The following FBN1 variants were observed in gnomAD, a reference collection of about 807,000 sequenced individuals.
FBN1 encodes the protein fibrillin-1.
In FBN1, 29 loss-of-function variants were observed where a neutral mutation model predicts 365.1. That is an observed-to-expected ratio of 0.08 (90% confidence interval 0.06 to 0.11). The LOEUF is 0.11. Ranked by LOEUF, FBN1 falls within the 10% of genes least tolerant of loss-of-function variation. The pLI, the probability that FBN1 is intolerant of heterozygous loss-of-function variation, is 1.00. For missense variants in FBN1, 2,476 were observed against 3,703.2 expected, an observed-to-expected ratio of 0.67 and a Z score of 8.60; for synonymous variants, 1,210 against 1,270.5, an observed-to-expected ratio of 0.95 and a Z score of 1.01.
intron 8 of FBN1, among the ~76,000 whole-genome samples, chr15:48,530,346 G>A (rs1016572492): frequency 1.3e-5 from 2 of 150,946 alleles, no homozygotes; most frequent in Admixed American, 6.6e-5. Flanking sequence ...TCCGCCGCCC[G>A]ATCACAACTT....
In FBN1 at chr15:48,644,640, T is replaced by C. The variant is rs1341910595; in HGVS notation, c.130A>G (p.Arg44Gly). Reference protein sequence around the residue: ...VKETRASRAKRRGGGGHDALK... With the variant: ...VKETRASRAKGRGGGGHDALK... ...GCGTCGTGTCCTCCACCGCCTCTTC[T>C]CTTGGCCCGACTGGCTCTGGTTTCC... Residue 44 changes from arginine (R) to glycine (G), a missense_variant, in exon 2 of 66, where the codon AGA (arginine) becomes GGA (glycine). This residue lies in a region of FBN1 where 76 missense variants were observed against 85.4 expected (regional missense o/e 0.89). Coordinates refer to ENST00000316623, the MANE Select transcript of FBN1 (RefSeq NM_000138.5). 1 of 1,613,818 alleles carries C rather than the reference T, an allele frequency of 6.2e-7. No homozygotes were observed. The highest frequency in any genetic ancestry group is 8.5e-7 in the Non-Finnish European group (1 of 1,180,044).
chr15:48,582,989 T>C (rs1266952876), intron 6 of FBN1, among the ~76,000 whole-genome samples: 5 of 152,176 alleles, frequency 3.3e-5, no homozygotes, highest in Non-Finnish European at 5.9e-5. Flanking sequence ...TAATGTGCTA[T>C]AGAAAAATGT....
chr15:48,422,100 C>T, intron 60 of FBN1, 32 bp from the exon 61 acceptor site: 1 of 1,472,878 alleles, frequency 6.8e-7, no homozygotes, highest in Non-Finnish European at 9.5e-7. Context: ...GCATTTGAGT[C>T]AAGCCAACAA....
chr15:48,509,499 ATTAT>A (rs2043741000), intron 14 of FBN1, among the ~76,000 whole-genome samples: 1 of 147,818 alleles, frequency 6.8e-6, no homozygotes, highest in Admixed American at 6.8e-5. Flanking sequence ...TTAGATATAT[ATTAT>A]TTATATTTAA....
intron 2 of FBN1, among the ~76,000 whole-genome samples, chr15:48,625,834 G>GTT (rs59463333): frequency 4.0e-5 from 6 of 151,688 alleles, no homozygotes; most frequent in African/African-American, 1.5e-4. Flanking sequence ...AATTACCAGC[G>GTT]TTTTTTTTGT....
At chr15:48,544,888 A>T (rs1316307869) in intron 6 of FBN1, among the ~76,000 whole-genome samples, 2 of 152,222 alleles carry the variant, frequency 1.3e-5, no homozygotes, top group Non-Finnish European at 2.9e-5. Flanking sequence ...GTAAAGTCAA[A>T]TCATAGTTTG....
chr15:48,617,816 C>G (rs1307863088), intron 2 of FBN1, among the ~76,000 whole-genome samples: 2 of 152,214 alleles, frequency 1.3e-5, no homozygotes, highest in African/African-American at 4.8e-5. Flanking sequence ...AAGATGTCTG[C>G]AGTGTGTCCA....
At chr15:48,548,033 T>A (rs2044110721) in intron 6 of FBN1, among the ~76,000 whole-genome samples, 1 of 152,140 alleles carries the variant, frequency 6.6e-6, no homozygotes, top group Non-Finnish European at 1.5e-5. Flanking sequence ...TTATGTAGAT[T>A]TAATTCATCA....
At chr15:48,524,012 T>C (rs1016890492) in intron 9 of FBN1, among the ~76,000 whole-genome samples, 15 of 152,210 alleles carry the variant, frequency 9.9e-5, no homozygotes, top group Admixed American at 6.5e-4. Context: ...TCGTCTAGCC[T>C]GTCAACAGGC....
chr15:48,515,380 C>T lies in FBN1; in HGVS notation c.1468+7G>A. 2 of 1,613,868 alleles carry T rather than the reference C, an allele frequency of 1.2e-6. No individual in the cohort carries two copies. Among genetic ancestry groups the T allele is most frequent in the South Asian group, 1.1e-5 (1 of 91,062 alleles). On this transcript the variant is annotated splice_region_variant and intron_variant, in intron 12 of 65. Transcript: ENST00000316623. ...CCCTTGGTGCCAACCTAGGATGGAT[C>T]ACGTACCAATACACTCCCCACGGAG...
intron 42 of FBN1, among the ~76,000 whole-genome samples, chr15:48,462,199 C>T (rs1398740601): frequency 6.6e-6 from 1 of 152,094 alleles, no homozygotes; most frequent in Non-Finnish European, 1.5e-5. Flanking sequence ...TTATAGAATA[C>T]CCTAATCAAT....
rs1462930927 is a variant in FBN1 at position 48,521,833 on chromosome 15, G to A, written c.989-1016C>T. 1.1e-4 allele frequency among the ~76,000 whole-genome samples: 17 copies of A among 152,240 alleles called. No individual in the cohort carries two copies. In the South Asian group the frequency reaches 1.5e-3, roughly 13 times the overall value. Reference sequence around the variant, plus strand: ...TAAATTTTGAAAAGCAAATAATATCGTCAATATGCTTGTTATTTAAAGCAG... The same window carrying A: ...TAAATTTTGAAAAGCAAATAATATCATCAATATGCTTGTTATTTAAAGCAG... On this transcript the variant is annotated intron_variant, in intron 9 of 65. Coordinates refer to ENST00000316623, the MANE Select transcript of FBN1 (RefSeq NM_000138.5).
At chr15:48,567,965 A>G (rs2044269408) in intron 6 of FBN1, among the ~76,000 whole-genome samples, 1 of 150,570 alleles carries the variant, frequency 6.6e-6, no homozygotes, top group South Asian at 2.1e-4. Flanking sequence ...AACCAGTGCA[A>G]TGATGCAAAG....
rs2043210605 is a variant in FBN1, at chr15:48,452,682, T to C, written c.5425A>G (p.Ile1809Val). 5 of 1,614,108 alleles carry C rather than the reference T, an allele frequency of 3.1e-6. No individual in the cohort carries two copies. The highest frequency in any genetic ancestry group is 2.2e-5 in the East Asian group (1 of 44,834). Residue 1809 changes from isoleucine (I) to valine (V), a missense_variant and splice_region_variant, in exon 45 of 66, where the codon ATT becomes GTT. Physicochemically the swap from Ile to Val is conservative, Grantham distance 29. This residue lies in a region of FBN1 where 1,780 missense variants were observed against 2,840.8 expected (regional missense o/e 0.63). Transcript: ENST00000316623. ...YNDKLLVCED[I>V]DECQNGPVCQ... ...ACTGGGCCGTTCTGACACTCGTCAA[T>C]ATCTACGAGCAGAAGAGAACTGAAT...
intron 2 of FBN1, among the ~76,000 whole-genome samples, chr15:48,636,762 A>G (rs1381568796): frequency 6.6e-6 from 1 of 152,224 alleles, no homozygotes; most frequent in East Asian, 1.9e-4. Flanking sequence ...AAGAAGTCAT[A>G]CTGCCTGTTC....
At chr15:48,567,165 T>C (rs948771404) in intron 6 of FBN1, among the ~76,000 whole-genome samples, 1 of 152,200 alleles carries the variant, frequency 6.6e-6, no homozygotes, top group Non-Finnish European at 1.5e-5. Context: ...GTGTCCAGTC[T>C]GTGATGAGGT....
chr15:48,526,104 T>C, intron 9 of FBN1, 26 bp downstream of exon 9: 2 of 1,613,768 alleles, frequency 1.2e-6, no homozygotes, highest in Non-Finnish European at 1.7e-6. Context: ...ACACAAACCA[T>C]GCATGCTGTT....
intron 10 of FBN1, among the ~76,000 whole-genome samples, chr15:48,518,363 T>C (rs2043822223): frequency 6.6e-6 from 1 of 152,234 alleles, no homozygotes; most frequent in Non-Finnish European, 1.5e-5. Context: ...GCCCTGCAAA[T>C]TGCACATAAC....
chr15:48,503,232 G>T (rs2043676660), intron 17 of FBN1, among the ~76,000 whole-genome samples: 1 of 150,598 alleles, frequency 6.6e-6, no homozygotes, highest in Non-Finnish European at 1.5e-5. Context: ...GGGAGGCGGA[G>T]GTGGCAGTGA....
Sources: allele counts gnomAD v4.1 joint callset (sites outside exome capture counted in the v4.1 genomes callset), GRCh38; gene constraint gnomAD v4.1.1; regional missense constraint gnomAD v4.1.1; transcripts MANE v1.5; gene names NCBI Gene and HGNC (gene_info 2026-07-23, HGNC 2026-07-21).